Variants in CREB1 observed in about 807,000 individuals in gnomAD.
The protein encoded by CREB1 is cyclic AMP-responsive element-binding protein 1.
Under a neutral mutation model 42.0 loss-of-function variants are expected in CREB1, and 2 were observed. That is an observed-to-expected ratio of 0.05 (90% confidence interval 0.02 to 0.15). CREB1 has a LOEUF of 0.15. Ranked by LOEUF, CREB1 falls within the 10% of genes least tolerant of loss-of-function variation. The pLI is 1.00. For missense variants in CREB1, 199 were observed against 388.9 expected (o/e 0.51, Z 4.11); for synonymous variants, 123 against 139.9 (o/e 0.88, Z 0.85).
At chr2:207,566,586 G>A (rs1407394914) in intron 3 of CREB1, among the ~76,000 whole-genome samples, 1 of 152,142 alleles carries the variant, frequency 6.6e-6, no homozygotes, top group Non-Finnish European at 1.5e-5. Context: ...GAACCACCAG[G>A]ATTTTGATGC....
chr2:207,582,527 A>G (rs2083099076), intron 7 of CREB1, among the ~76,000 whole-genome samples: 1 of 152,066 alleles, frequency 6.6e-6, no homozygotes, highest in Admixed American at 6.6e-5. Flanking sequence ...GGCTACTGGG[A>G]TCTTTTATAA....
intron 3 of CREB1, among the ~76,000 whole-genome samples, chr2:207,562,338 C>G (rs553250068): frequency 6.6e-6 from 1 of 152,182 alleles, no homozygotes; most frequent in African/African-American, 2.4e-5. Flanking sequence ...ACTTAAGTTA[C>G]AGCCACAAAA....
intron 5 of CREB1, among the ~76,000 whole-genome samples, chr2:207,572,509 CTG>C (rs757143072): frequency 6.6e-6 from 1 of 152,184 alleles, no homozygotes; most frequent in Non-Finnish European, 1.5e-5. Flanking sequence ...TTGTGTTTCA[CTG>C]TGTAAATACA....
At chr2:207,575,847 T>C (rs904395182) in intron 6 of CREB1, among the ~76,000 whole-genome samples, 8 of 151,412 alleles carry the variant, frequency 5.3e-5, no homozygotes, top group Admixed American at 5.3e-4. Context: ...TTTGTTGTTG[T>C]TGTTTTTGTT....
intron 1 of CREB1, among the ~76,000 whole-genome samples, chr2:207,549,108 T>G (rs1249512147): frequency 2.0e-5 from 3 of 152,262 alleles, no homozygotes; most frequent in South Asian, 2.1e-4. Flanking sequence ...CTGCTCTGAC[T>G]TGTTCCCTTA....
At chr2:207,592,644 G>C (rs1383584829) in intron 7 of CREB1, among the ~76,000 whole-genome samples, 1 of 152,038 alleles carries the variant, frequency 6.6e-6, no homozygotes, top group Admixed American at 6.5e-5. Flanking sequence ...TTCTTGGCCA[G>C]GTGCAGTGGC....
At chr2:207,581,653 A>G in intron 7 of CREB1, 1 of 431,238 alleles carries the variant, frequency 2.3e-6, no homozygotes, top group Non-Finnish European at 4.1e-6. Flanking sequence ...TTAAAAATAC[A>G]GAGTTCCGGA....
chr2:207,593,945 C>T (rs189399146), intron 7 of CREB1, among the ~76,000 whole-genome samples: 39 of 152,256 alleles, frequency 2.6e-4, no homozygotes, highest in Middle Eastern at 6.8e-3. Flanking sequence ...TCTCAAACTC[C>T]TGGCCTCAAG....
intron 1 of CREB1, among the ~76,000 whole-genome samples, chr2:207,552,151 G>GC (rs1559275747): frequency 6.6e-6 from 1 of 151,940 alleles, no homozygotes; most frequent in South Asian, 2.1e-4. Context: ...TTTAAATGGG[G>GC]CTCCTATACA....
Position 207,605,826 on chromosome 2 carries a change from G to A in CREB1, c.*8768G>A, listed in dbSNP as rs974079167. Among the ~76,000 whole-genome samples the A allele has an allele frequency of 6.6e-6, 1 of 152,184 alleles. No homozygotes were observed. The highest frequency in any genetic ancestry group is 2.4e-5 in the African/African-American group (1 of 41,454). ...ATCTCCAGGATACTGAGAAGTAAAA[G>A]TTATTTCTGAATTATGGTTTTCTTC... On this transcript the variant is annotated 3_prime_UTR_variant, in exon 8 of 8. Transcript: ENST00000353267.
chr2:207,569,548 G>A (rs961580178), intron 4 of CREB1, among the ~76,000 whole-genome samples: 6 of 151,494 alleles, frequency 4.0e-5, no homozygotes, highest in South Asian at 4.2e-4. Context: ...TTTACTTTCC[G>A]ACTTTGTGTA....
intron 2 of CREB1, among the ~76,000 whole-genome samples, chr2:207,556,847 CA>C (rs1182165333): frequency 6.6e-6 from 1 of 152,060 alleles, no homozygotes; most frequent in Non-Finnish European, 1.5e-5. Flanking sequence ...GAGGAAGACA[CA>C]ATGCTAGGCC....
chr2:207,581,158 CCCCCT>C (rs2082911966), intron 7 of CREB1, among the ~76,000 whole-genome samples: 1 of 152,060 alleles, frequency 6.6e-6, no homozygotes, highest in South Asian at 2.1e-4. Flanking sequence ...AAACTATAAA[CCCCCT>C]ATTTAGGAAA....
chr2:207,580,718 T>C (rs1452731039), intron 7 of CREB1: 1 of 223,478 alleles, frequency 4.5e-6, no homozygotes, highest in Non-Finnish European at 8.9e-6. Context: ...CTTCTGTTAA[T>C]TTGTGTTGCT....
rs1417724672 is a variant in CREB1, at chr2:207,597,858, G to A, written c.*800G>A. ...AAATAAAAGTACAAAGCATATTTTA[G>A]TTAGTACTAAATTCTTAGTAAAATG... is the stretch of plus-strand genomic sequence containing the variant. On this transcript the variant is annotated 3_prime_UTR_variant, in exon 8 of 8. Coordinates refer to ENST00000353267, the MANE Select transcript of CREB1 (RefSeq NM_004379.5). 1.0e-5 allele frequency: 2 copies of A among 191,252 alleles called. No homozygotes were observed. The highest frequency in any genetic ancestry group is 2.2e-5 in the Non-Finnish European group (2 of 91,430). The allele number at this position is 191,252 out of a possible 1,614,324, so 11.8% of individuals were successfully genotyped here.
intron 3 of CREB1, chr2:207,561,093 C>G: frequency 6.2e-7 from 1 of 1,610,604 alleles, no homozygotes; most frequent in Non-Finnish European, 8.5e-7. Flanking sequence ...ACCCCAGCCT[C>G]CCATTTCATA....
In CREB1 at chr2:207,594,991, CTT is replaced by C. The variant is rs751274446; in HGVS notation, c.840-1903_840-1902del. 1.9e-3 allele frequency among the ~76,000 whole-genome samples: 223 copies of C among 118,832 alleles called. 3 individuals are homozygous for C. The highest frequency in any genetic ancestry group is 6.4e-3 in the African/African-American group (206 of 32,110). The allele number at this position is 118,832 out of a possible 152,430, so 78.0% of individuals were successfully genotyped here. A position where few individuals can be genotyped will look rare whatever the true frequency, so the allele number is the denominator to read the frequency against. ...CCTAGTGATTAGTGATGTTGAGCATCTTTTTTTTTTTTTTTTTTTTTCTGAGA... is the reference window on the plus strand; with the variant it reads ...CCTAGTGATTAGTGATGTTGAGCATCTTTTTTTTTTTTTTTTTTTCTGAGA... On this transcript the variant is annotated intron_variant, in intron 7 of 7. Coordinates refer to ENST00000353267, the MANE Select transcript of CREB1 (RefSeq NM_004379.5).
chr2:207,565,021 T>C (rs2106511302), intron 3 of CREB1, among the ~76,000 whole-genome samples: 1 of 151,354 alleles, frequency 6.6e-6, no homozygotes, highest in Non-Finnish European at 1.5e-5. Context: ...TTGATCTCAG[T>C]TATGTGGGTC....
intron 1 of CREB1, among the ~76,000 whole-genome samples, chr2:207,541,247 C>T (rs1200762129): frequency 6.6e-6 from 1 of 152,048 alleles, no homozygotes; most frequent in African/African-American, 2.4e-5. Flanking sequence ...CCTAAGTATA[C>T]AGTGCCTTTG....
Sources: gnomAD v4.1 joint callset for allele counts (sites outside exome capture counted in the v4.1 genomes callset) on GRCh38, gnomAD v4.1.1 for gene constraint, MANE v1.5 for transcripts, NCBI Gene and HGNC (gene_info 2026-07-23, HGNC 2026-07-21) for gene names.